Variants in CAST observed in about 807,000 individuals in gnomAD.
The protein encoded by CAST is MIR583 host.
Under a neutral mutation model 119.6 loss-of-function variants are expected in CAST, and 76 were observed. The observed-to-expected ratio is 0.64, with a 90% confidence interval of 0.53 to 0.77. The LOEUF is 0.77. CAST is among the 30% of genes least tolerant of loss of function. CAST has a pLI of 0.00. For synonymous variants in CAST, 319 were observed against 331.6 expected, an observed-to-expected ratio of 0.96 and a Z score of 0.41; for missense variants, 953 against 946.5, an observed-to-expected ratio of 1.01 and a Z score of -0.09.
intron 10 of CAST, 35 bp downstream of exon 10, chr5:96,736,275 G>GT: frequency 7.7e-7 from 1 of 1,301,324 alleles, no homozygotes; most frequent in Non-Finnish European, 1.1e-6. Flanking sequence ...ACATGAGACA[G>GT]TTACTCATAT....
the CAST span, among the ~76,000 whole-genome samples, chr5:96,034,255 T>G: frequency 3.3e-5 from 5 of 151,954 alleles, no homozygotes; most frequent in Admixed American, 3.3e-4. Context: ...CAGTGAGATA[T>G]CATCACCTCA....
the CAST span, among the ~76,000 whole-genome samples, chr5:96,050,841 C>G: frequency 6.6e-6 from 1 of 152,016 alleles, no homozygotes; most frequent in Non-Finnish European, 1.5e-5. Flanking sequence ...CTGGAGTGTG[C>G]GGAGGAGCGG....
At chr5:96,463,617 A>G in the CAST span, among the ~76,000 whole-genome samples, 1 of 152,122 alleles carries the variant, frequency 6.6e-6, no homozygotes, top group African/African-American at 2.4e-5. Flanking sequence ...TGTTTCACAG[A>G]TTCAGTCTAT....
chr5:96,694,453 C>G (rs528483160), intron 2 of CAST, among the ~76,000 whole-genome samples: 1 of 152,000 alleles, frequency 6.6e-6, no homozygotes, highest in African/African-American at 2.4e-5. Context: ...CTGGCTAACA[C>G]GCTGAAACCC....
At chr5:96,007,068 A>G in the CAST span, among the ~76,000 whole-genome samples, 1 of 152,182 alleles carries the variant, frequency 6.6e-6, no homozygotes. Context: ...CATAATTATC[A>G]GATATTCGTG....
chr5:96,048,697 C>T, the CAST span, among the ~76,000 whole-genome samples: 1 of 151,920 alleles, frequency 6.6e-6, no homozygotes, highest in Non-Finnish European at 1.5e-5. Flanking sequence ...GGACATGTCC[C>T]AAATATGTCA....
chr5:96,537,344 TTACTA>T (rs1226900222), intron 1 of CAST, among the ~76,000 whole-genome samples: 2 of 152,254 alleles, frequency 1.3e-5, no homozygotes, highest in Non-Finnish European at 2.9e-5. Context: ...TGAACACATT[TTACTA>T]AAGTTGAAGC....
chr5:96,566,852 T>C (rs1199507716), intron 1 of CAST, among the ~76,000 whole-genome samples: 4 of 152,252 alleles, frequency 2.6e-5, no homozygotes, highest in African/African-American at 9.6e-5. Context: ...AGTTTTAAAA[T>C]AATCAAGATG....
the CAST span, among the ~76,000 whole-genome samples, chr5:96,518,420 C>T: frequency 6.6e-6 from 1 of 152,236 alleles, no homozygotes; most frequent in Non-Finnish European, 1.5e-5. Context: ...CACCTTCCTA[C>T]TTCAGTGTAC....
At chr5:96,758,990 T>G (rs27037) in intron 24 of CAST, among the ~76,000 whole-genome samples, 108,899 of 151,948 alleles carry the variant, frequency 0.72, 39,172 homozygotes, top group Admixed American at 0.77. Flanking sequence ...ATTGTTAGGG[T>G]TGTTTTTTCT....
the CAST span, among the ~76,000 whole-genome samples, chr5:96,313,300 T>C: frequency 1.3e-5 from 2 of 152,264 alleles, no homozygotes; most frequent in Middle Eastern, 3.4e-3. Context: ...AATCAAGATA[T>C]AGATTTATTT....
chr5:96,061,895 G>A, the CAST span, among the ~76,000 whole-genome samples: 2 of 152,128 alleles, frequency 1.3e-5, no homozygotes, highest in African/African-American at 2.4e-5. Context: ...AAGGCACCAT[G>A]AATGTCTAAC....
At chr5:96,142,334 A>C in the CAST span, among the ~76,000 whole-genome samples, 1 of 152,218 alleles carries the variant, frequency 6.6e-6, no homozygotes, top group South Asian at 2.1e-4. Flanking sequence ...GCATTGCTTG[A>C]ACCTGGGAGG....
At chr5:96,411,084 C>G in the CAST span, 38 of 880,526 alleles carry the variant, frequency 4.3e-5, no homozygotes, top group Non-Finnish European at 6.8e-5. Flanking sequence ...GTGAAATTCT[C>G]AGAGACAGCT....
chr5:96,161,267 A>AT, the CAST span, among the ~76,000 whole-genome samples: 1 of 152,054 alleles, frequency 6.6e-6, no homozygotes, highest in Admixed American at 6.6e-5. Context: ...CCAGTTTTCT[A>AT]TTTTGAGTTA....
chr5:96,466,120 G>A, the CAST span, among the ~76,000 whole-genome samples: 13 of 152,080 alleles, frequency 8.5e-5, no homozygotes, highest in African/African-American at 2.4e-4. Context: ...AATTTCTAAC[G>A]CATGTAACAG....
the CAST span, chr5:96,421,763 TTG>T: frequency 1.3e-6 from 1 of 759,542 alleles, no homozygotes; most frequent in South Asian, 1.4e-5. Flanking sequence ...GGTATGGATG[TTG>T]TGCATTAACA....
chr5:96,443,558 T>C, the CAST span, among the ~76,000 whole-genome samples: 66 of 152,354 alleles, frequency 4.3e-4, 2 homozygotes, highest in African/African-American at 1.3e-3. Flanking sequence ...AAAGTATATG[T>C]TTTGTAATCA....
the CAST span, among the ~76,000 whole-genome samples, chr5:96,218,911 T>C: frequency 6.6e-6 from 1 of 152,156 alleles, no homozygotes; most frequent in Non-Finnish European, 1.5e-5. Context: ...TTTGCTTTGT[T>C]ATGTACTGTG....
Sources: gnomAD v4.1 joint callset for allele counts (sites outside exome capture counted in the v4.1 genomes callset) on GRCh38, gnomAD v4.1.1 for gene constraint, MANE v1.5 for transcripts, NCBI Gene and HGNC (gene_info 2026-07-23, HGNC 2026-07-21) for gene names.